TAOK1: variants seen among roughly 807,000 people sequenced by gnomAD.
TAOK1 encodes the protein TAO kinase 1, also known as serine/threonine-protein kinase TAO1.
TAOK1 carries 21 observed loss-of-function variants against 138.3 expected under a neutral mutation model. The observed-to-expected ratio is 0.15, with a 90% CI of 0.11 to 0.22. TAOK1 has a LOEUF of 0.22. TAOK1 is among the 10% of genes least tolerant of loss of function. The pLI, the probability that TAOK1 is intolerant of heterozygous loss-of-function variation, is 1.00. For synonymous variants in TAOK1, 361 were observed against 398.4 expected (o/e 0.91, Z 1.12); for missense variants, 651 against 1,227.7 (o/e 0.53, Z 7.02).
At chr17:29,481,052 CACAA>C (rs1046160610) in intron 7 of TAOK1, among the ~76,000 whole-genome samples, 9 of 152,008 alleles carry the variant, frequency 5.9e-5, no homozygotes, top group East Asian at 1.9e-4. Context: ...GAAAGAAAGA[CACAA>C]ACAAACTATG....
intron 7 of TAOK1, among the ~76,000 whole-genome samples, chr17:29,481,633 T>C (rs2031064406): frequency 6.6e-6 from 1 of 152,080 alleles, no homozygotes; most frequent in South Asian, 2.1e-4. Flanking sequence ...TTGGGGTGGC[T>C]GTTACATGAT....
intron 4 of TAOK1, among the ~76,000 whole-genome samples, chr17:29,477,393 A>C (rs879655544): frequency 1.3e-5 from 2 of 151,568 alleles, no homozygotes; most frequent in Non-Finnish European, 2.9e-5. Context: ...AAGTGATTAT[A>C]TGTTGGCATT....
chr17:29,528,872 C>A, intron 17 of TAOK1, among the ~76,000 whole-genome samples: 1 of 144,568 alleles, frequency 6.9e-6, no homozygotes. Context: ...AAAGAAATTG[C>A]AGCAAAGTGT....
chr17:29,469,501 C>T (rs550739677), intron 3 of TAOK1, among the ~76,000 whole-genome samples: 41 of 152,262 alleles, frequency 2.7e-4, no homozygotes, highest in African/African-American at 9.9e-4. Context: ...AACCACCAGT[C>T]TACTTTCTGT....
intron 8 of TAOK1, among the ~76,000 whole-genome samples, chr17:29,484,848 A>G (rs571460314): frequency 4.6e-5 from 7 of 152,104 alleles, no homozygotes; most frequent in African/African-American, 1.7e-4. Context: ...CAGGTGATCC[A>G]CCCACCTCAG....
At position 29,545,647 on chromosome 17, in the gene TAOK1, T is replaced by A. The variant is rs1353121943; in HGVS notation, c.*2625T>A. On this transcript the variant is annotated 3_prime_UTR_variant, in exon 20 of 20. Transcript: ENST00000261716. ...AATGATTCAAATTAATTGGTTTGTA[T>A]ATGTTTGTGAGATCTAGCTTCTGAG... is the stretch of plus-strand genomic sequence containing the variant. 6.6e-6 allele frequency: 1 copy of A among 152,180 alleles called. No homozygotes were observed. The highest frequency in any genetic ancestry group is 2.4e-5 in the African/African-American group (1 of 41,446). 9.4% of individuals were successfully genotyped at this position (152,180 alleles called of 1,614,324 possible).
At chr17:29,402,345 A>G (rs530685905) in intron 1 of TAOK1, among the ~76,000 whole-genome samples, 3 of 152,202 alleles carry the variant, frequency 2.0e-5, no homozygotes, top group African/African-American at 7.2e-5. Flanking sequence ...CCCCTTCCCT[A>G]TGCTAGAGTC....
At chr17:29,496,203 C>T (rs1239972352) in intron 11 of TAOK1, among the ~76,000 whole-genome samples, 6 of 152,076 alleles carry the variant, frequency 3.9e-5, no homozygotes, top group Admixed American at 1.3e-4. Context: ...CTGGTTCAAG[C>T]GATTCTCCTG....
At position 29,475,662 on chromosome 17, in the gene TAOK1, C is replaced by T; in HGVS notation, c.205-8C>T. 1 of 1,573,414 alleles carries T rather than the reference C, an allele frequency of 6.4e-7. No homozygotes were observed. The highest frequency in any genetic ancestry group is 2.2e-5 in the East Asian group (1 of 44,462). On this transcript the variant is annotated splice_region_variant and splice_polypyrimidine_tract_variant and intron_variant, in intron 3 of 19. Transcript: ENST00000261716. ...GTTCATAATTCTTTACCTTTTTTCTCCCCACAGAAATGGCAGGATATTATT... is the reference window on the plus strand; with the variant it reads ...GTTCATAATTCTTTACCTTTTTTCTTCCCACAGAAATGGCAGGATATTATT...
intron 1 of TAOK1, among the ~76,000 whole-genome samples, chr17:29,409,176 C>T (rs1905077054): frequency 6.6e-6 from 1 of 151,506 alleles, no homozygotes; most frequent in African/African-American, 2.4e-5. Context: ...CTTTTTATTG[C>T]TTAGTAATAG....
chr17:29,418,498 C>G (rs1460101024), intron 1 of TAOK1, among the ~76,000 whole-genome samples: 1 of 152,148 alleles, frequency 6.6e-6, no homozygotes, highest in Non-Finnish European at 1.5e-5. Flanking sequence ...AGCCACTGCA[C>G]CCAGCCTATC....
chr17:29,475,993 C>G (rs1172523562), intron 4 of TAOK1, among the ~76,000 whole-genome samples: 2 of 152,162 alleles, frequency 1.3e-5, no homozygotes, highest in South Asian at 2.1e-4. Context: ...TTCTGTTGAC[C>G]TTTGTATGTA....
intron 13 of TAOK1, among the ~76,000 whole-genome samples, chr17:29,505,526 A>G (rs2031614822): frequency 6.6e-6 from 1 of 152,042 alleles, no homozygotes; most frequent in Non-Finnish European, 1.5e-5. Flanking sequence ...ACATGGTGAA[A>G]CCCTGTCTCT....
chr17:29,536,044 G>C (rs1420125551), intron 19 of TAOK1, among the ~76,000 whole-genome samples: 3 of 152,006 alleles, frequency 2.0e-5, no homozygotes, highest in Non-Finnish European at 4.4e-5. Context: ...TGTAATCCCA[G>C]CACTTTGGGA....
At chr17:29,437,842 C>T (rs561948889) in intron 1 of TAOK1, among the ~76,000 whole-genome samples, 10 of 147,428 alleles carry the variant, frequency 6.8e-5, no homozygotes, top group African/African-American at 2.0e-4. Context: ...CAACGATTCT[C>T]TTGCCTCAGC....
At chr17:29,458,703 T>C (rs547104800) in intron 2 of TAOK1, among the ~76,000 whole-genome samples, 2 of 151,526 alleles carry the variant, frequency 1.3e-5, no homozygotes, top group East Asian at 3.9e-4. Context: ...ATTTTATTTG[T>C]TTTTTTTGTG....
intron 1 of TAOK1, among the ~76,000 whole-genome samples, 166 bp downstream of exon 1, chr17:29,391,190 C>T (rs62065254): frequency 0.071 from 10,755 of 152,054 alleles, 506 homozygotes; most frequent in Middle Eastern, 0.13. Flanking sequence ...GAGCTGGGCG[C>T]CCTCCGGTTT....
chr17:29,454,301 C>T (rs1337065276), intron 2 of TAOK1, among the ~76,000 whole-genome samples: 5 of 152,170 alleles, frequency 3.3e-5, no homozygotes, highest in Non-Finnish European at 7.3e-5. Flanking sequence ...GTCAGTACCA[C>T]ACCGTTTTGA....
intron 1 of TAOK1, among the ~76,000 whole-genome samples, chr17:29,435,203 G>A (rs1905988585): frequency 6.6e-6 from 1 of 151,942 alleles, no homozygotes; most frequent in African/African-American, 2.4e-5. Context: ...AGATGCAGCT[G>A]GAGATTGCTG....
Sources: allele counts gnomAD v4.1 joint callset (sites outside exome capture counted in the v4.1 genomes callset), GRCh38; gene constraint gnomAD v4.1.1; transcripts MANE v1.5; gene names NCBI Gene and HGNC (gene_info 2026-07-23, HGNC 2026-07-21).